ZBTB4: variants seen among roughly 807,000 people sequenced by gnomAD.
ZBTB4 encodes the protein zinc finger and BTB domain-containing protein 4.
In ZBTB4, 14 loss-of-function variants were observed where a neutral mutation model predicts 59.8. That is an observed-to-expected ratio of 0.23 (90% CI 0.15 to 0.37). The LOEUF (loss-of-function observed/expected upper bound fraction) is 0.37. Among genes scored for constraint, ZBTB4 ranks in the 10% least tolerant of loss-of-function variants. ZBTB4 has a pLI of 1.00. For synonymous variants in ZBTB4, 587 were observed against 575.2 expected (o/e 1.02, Z -0.29); for missense variants, 1,198 against 1,380.8 (o/e 0.87, Z 2.10).
rs779041392 is a variant in ZBTB4, at chr17:7,462,654, G to C, written c.2328C>G (p.Thr776=). 6.2e-7 allele frequency: 1 copy of C among 1,608,040 alleles called. No individual in the cohort carries two copies. The highest frequency in any genetic ancestry group is 2.2e-5 in the East Asian group (1 of 44,852). ...TCPHCAKVCK[T]AAALSRHGQR... is the part of the protein sequence containing the mutation. ...GCCCGTGGCGGCTCAGGGCAGCTGC[G>C]GTCTTGCACACCTTGGCGCAGTGGG... The change falls in exon 4 of 4, where the codon ACC becomes ACG. Residue 776 remains threonine, a synonymous_variant. Coordinates refer to ENST00000380599, the MANE Select transcript of ZBTB4 (RefSeq NM_001128833.2). The surrounding 1 kb of genome is among the most constrained non-coding windows in gnomAD (Gnocchi z 7.5).
chr17:7,482,548 C>T (rs766783911), upstream of ZBTB4: 73 of 1,612,616 alleles, frequency 4.5e-5, no homozygotes, highest in Non-Finnish European at 5.9e-5. Flanking sequence ...CGGGTGTCTA[C>T]ACCGCCCTGG....
At chr17:7,468,472 T>G (rs1416853841) in intron 1 of ZBTB4, among the ~76,000 whole-genome samples, 4 of 152,216 alleles carry the variant, frequency 2.6e-5, no homozygotes, top group African/African-American at 9.6e-5. Context: ...CACCTTCCCC[T>G]GCAGGCACCA....
intron 1 of ZBTB4, among the ~76,000 whole-genome samples, chr17:7,471,815 T>C (rs1294345607): frequency 2.0e-5 from 3 of 152,214 alleles, no homozygotes; most frequent in Non-Finnish European, 4.4e-5. Context: ...AACTCAGTCC[T>C]GGAAAATGGT....
In ZBTB4 at chr17:7,466,887, A is replaced by G. The variant is rs2070136232; in HGVS notation, c.-9-77T>C. On this transcript the variant is annotated intron_variant, in intron 2 of 3. Transcript: ENST00000380599. The surrounding 1 kb of genome is among the most constrained non-coding windows in gnomAD (Gnocchi z 9.1). ...CAGGGGCTTCTAAAATCAGGCAGAG[A>G]GAGGATCAGGAGCTGCTGGTCAGAA... The G allele has an allele frequency of 6.9e-7, 1 of 1,440,962 alleles. No homozygotes were observed. The highest frequency in any genetic ancestry group is 9.1e-7 in the Non-Finnish European group (1 of 1,100,932). 89.3% of individuals were successfully genotyped at this position (1,440,962 alleles called of 1,614,324 possible).
chr17:7,462,277 C>A lies in ZBTB4; in HGVS notation c.2705G>T (p.Gly902Val). 1.9e-6 allele frequency: 3 copies of A among 1,613,796 alleles called. No homozygotes were observed. The highest frequency in any genetic ancestry group is 2.5e-6 in the Non-Finnish European group (3 of 1,179,846). The change falls in exon 4 of 4, where the codon GGT becomes GTT. Residue 902 changes from glycine (G) to valine (V), a missense_variant. Physicochemically the swap from Gly to Val is moderately radical, Grantham distance 109. This residue lies in a region of ZBTB4 where 211 missense variants were observed against 236.1 expected (regional missense o/e 0.89). Transcript: ENST00000380599. The surrounding 1 kb of genome is among the most constrained non-coding windows in gnomAD (Gnocchi z 7.5). ...KSGSEGPVGA[G>V]EGDRMEGIGA... Reference sequence around the variant, plus strand: ...TATCCCCTCCATCCGGTCCCCCTCACCAGCCCCCACTGGCCCTTCACTCCC... The same window carrying A: ...TATCCCCTCCATCCGGTCCCCCTCAACAGCCCCCACTGGCCCTTCACTCCC...
At position 7,462,654 on chromosome 17, in the gene ZBTB4, G is replaced by A. The variant is rs779041392; in HGVS notation, c.2328C>T (p.Thr776=). The change falls in exon 4 of 4, where the codon ACC becomes ACT. Residue 776 remains threonine (T), a synonymous_variant. Coordinates refer to ENST00000380599, the MANE Select transcript of ZBTB4 (RefSeq NM_001128833.2). This position sits in a 1 kb window ranked among gnomAD's most constrained non-coding sequence, Gnocchi z 7.5. The part of the protein sequence containing the change: ...TCPHCAKVCK[T]AAALSRHGQR... Reference sequence around the variant, plus strand: ...GCCCGTGGCGGCTCAGGGCAGCTGCGGTCTTGCACACCTTGGCGCAGTGGG... The same window carrying A: ...GCCCGTGGCGGCTCAGGGCAGCTGCAGTCTTGCACACCTTGGCGCAGTGGG... The A allele has an allele frequency of 1.1e-5, 18 of 1,607,922 alleles. No individual in the cohort carries two copies. In the South Asian group the frequency reaches 1.2e-4, roughly 11 times the overall value.
At chr17:7,464,740 A>T (rs1165823035) in intron 3 of ZBTB4, among the ~76,000 whole-genome samples, 1 of 151,086 alleles carries the variant, frequency 6.6e-6, no homozygotes, top group African/African-American at 2.4e-5. Context: ...CGGGAAGCTG[A>T]GGCAGGAGAA....
rs1449192181 is a variant in ZBTB4, at chr17:7,460,981, C to G, written c.*959G>C. The G allele has an allele frequency of 6.6e-6, 1 of 152,514 alleles. No individual in the cohort carries two copies. The highest frequency in any genetic ancestry group is 1.9e-4 in the East Asian group (1 of 5,184). 9.4% of individuals were successfully genotyped at this position (152,514 alleles called of 1,614,324 possible). A position where few individuals can be genotyped will look rare whatever the true frequency, so the allele number is the denominator to read the frequency against. On this transcript the variant is annotated 3_prime_UTR_variant, in exon 4 of 4. Transcript: ENST00000380599. Reference sequence around the variant, plus strand: ...CATCCGACCCCTATCATTTTTCTGGCTATTTGGTCTAGTCTGGGAGAAACC... The same window carrying G: ...CATCCGACCCCTATCATTTTTCTGGGTATTTGGTCTAGTCTGGGAGAAACC...
chr17:7,472,634 CTTTT>C (rs71157290), intron 1 of ZBTB4, among the ~76,000 whole-genome samples: 2 of 72,922 alleles, frequency 2.7e-5, no homozygotes, highest in Non-Finnish European at 4.6e-5. Flanking sequence ...CCTGGCCATT[CTTTT>C]TTTTTTTTTT....
upstream of ZBTB4, chr17:7,481,615 C>A (rs572164345): frequency 8.1e-5 from 70 of 864,742 alleles, 1 homozygote; most frequent in Admixed American, 3.1e-4. Context: ...CTCAGAGATA[C>A]CCACAAATAG....
At chr17:7,482,863 C>T (rs762574744), upstream of ZBTB4, 2 of 1,611,962 alleles carry the variant, frequency 1.2e-6, no homozygotes, top group South Asian at 1.1e-5. Flanking sequence ...TGGTGGTGGC[C>T]CTTATACTGC....
In ZBTB4 at chr17:7,461,837, G is replaced by C; in HGVS notation, c.*103C>G. On this transcript the variant is annotated 3_prime_UTR_variant, in exon 4 of 4. Transcript: ENST00000380599. ...CAGGGGCCCCCAAGTCCCTGCACAA[G>C]AGTGTGAAGGGGCTCCCAAGGGGCA... 9.3e-7 allele frequency: 1 copy of C among 1,081,028 alleles called. No homozygotes were observed. Among genetic ancestry groups the C allele is most frequent in the South Asian group, 1.7e-5 (1 of 59,798 alleles). 67.0% of individuals were successfully genotyped at this position (1,081,028 alleles called of 1,614,324 possible).
chr17:7,463,350 GGTGGCTGGGCTGACTGCT>G lies in ZBTB4; in HGVS notation c.1614_1631del (p.Val540_Ala545del), dbSNP rs764759891. 3 of 1,606,962 alleles carry G rather than the reference GGTGGCTGGGCTGACTGCT, an allele frequency of 1.9e-6. No homozygotes were observed. Among genetic ancestry groups the G allele is most frequent in the South Asian group, 1.1e-5 (1 of 89,798 alleles). On this transcript the variant is annotated inframe_deletion, in exon 4 of 4. Coordinates refer to ENST00000380599, the MANE Select transcript of ZBTB4 (RefSeq NM_001128833.2). ...TGGTGGCCATGGCTGGCCCTGCAGC[GGTGGCTGGGCTGACTGCT>G]GTGGCTGGGCTGGTGGGTGTGGCTG... is the stretch of plus-strand genomic sequence containing the variant.
At chr17:7,464,733 G>T (rs1160823286) in intron 3 of ZBTB4, among the ~76,000 whole-genome samples, 1 of 151,514 alleles carries the variant, frequency 6.6e-6, no homozygotes, top group East Asian at 2.0e-4. Flanking sequence ...AGATACTCGG[G>T]AAGCTGAGGC....
chr17:7,469,528 C>T (rs1002904294), intron 1 of ZBTB4, among the ~76,000 whole-genome samples: 1 of 144,122 alleles, frequency 6.9e-6, no homozygotes, highest in African/African-American at 2.6e-5. Context: ...TTTGGGAGGC[C>T]AAGGCGGGCG....
intron 1 of ZBTB4, among the ~76,000 whole-genome samples, chr17:7,470,394 C>T (rs2070183094): frequency 6.6e-6 from 1 of 150,630 alleles, no homozygotes; most frequent in Non-Finnish European, 1.5e-5. Context: ...CAAGACCCTG[C>T]CTCAAAAAAA....
chr17:7,478,993 G>A (rs1046595159), intron 1 of ZBTB4, among the ~76,000 whole-genome samples: 9 of 151,988 alleles, frequency 5.9e-5, no homozygotes, highest in African/African-American at 2.2e-4. Context: ...TGCGCACCCC[G>A]CACACCCCAA....
upstream of ZBTB4, chr17:7,482,008 G>A: frequency 6.2e-7 from 1 of 1,602,820 alleles, no homozygotes. Flanking sequence ...ACCCCTACTT[G>A]AACCCGCCTG....
At chr17:7,463,936 G>A (rs201283443) in intron 3 of ZBTB4, 46 bp from the exon 4 acceptor site, 1 of 1,572,244 alleles carries the variant, frequency 6.4e-7, no homozygotes, top group East Asian at 2.2e-5. Flanking sequence ...AGGCACTTGA[G>A]TCAAGGGCCC....
Sources: allele counts gnomAD v4.1 joint callset (sites outside exome capture counted in the v4.1 genomes callset), GRCh38; gene constraint gnomAD v4.1.1; regional missense constraint gnomAD v4.1.1; non-coding constraint Gnocchi (gnomAD v3.1); transcripts MANE v1.5; gene names NCBI Gene and HGNC (gene_info 2026-07-23, HGNC 2026-07-21).